Variants in RNF214 observed in about 807,000 individuals in gnomAD.
RNF214 encodes ring finger protein 214.
Under a neutral mutation model 75.9 loss-of-function variants are expected in RNF214, and 25 were observed. The observed-to-expected ratio is 0.33, with a 90% CI of 0.24 to 0.46. The LOEUF is 0.46. Ranked by LOEUF, RNF214 falls within the 20% of genes least tolerant of loss-of-function variation. The probability of loss-of-function intolerance (pLI) is 1.00; values close to 1 mark genes in which losing one functional copy is unlikely to be tolerated. For synonymous variants in RNF214, 314 were observed against 308.8 expected, an observed-to-expected ratio of 1.02 and a Z score of -0.18; for missense variants, 725 against 857.5, an observed-to-expected ratio of 0.85 and a Z score of 1.93.
chr11:117,283,300 CCT>C (rs2034167313), intron 14 of RNF214, 90 bp downstream of exon 14: 1 of 828,538 alleles, frequency 1.2e-6, no homozygotes, highest in South Asian at 1.6e-5. Flanking sequence ...CTTTTTTTTC[CCT>C]GACAGCTAAA....
chr11:117,269,277 A>C (rs1038962641), intron 6 of RNF214, among the ~76,000 whole-genome samples: 5 of 152,180 alleles, frequency 3.3e-5, no homozygotes, highest in African/African-American at 1.2e-4. Flanking sequence ...GAATGAACCT[A>C]AACAACAATG....
At chr11:117,266,762 A>G (rs961094820) in intron 6 of RNF214, among the ~76,000 whole-genome samples, 1 of 150,748 alleles carries the variant, frequency 6.6e-6, no homozygotes, top group Non-Finnish European at 1.5e-5. Context: ...ACCTTTTGAT[A>G]TTGTCCGACA....
At chr11:117,252,438 A>G (rs1189248464) in intron 6 of RNF214, among the ~76,000 whole-genome samples, 2 of 152,180 alleles carry the variant, frequency 1.3e-5, no homozygotes, top group South Asian at 4.1e-4. Context: ...TTCTTTGATA[A>G]GATGTCTTAT....
At position 117,238,598 on chromosome 11, in the gene RNF214, T is replaced by A; in HGVS notation, c.108-3T>A. The A allele has an allele frequency of 6.2e-7, 1 of 1,600,668 alleles. No homozygotes were observed. The highest frequency in any genetic ancestry group is 8.5e-7 in the Non-Finnish European group (1 of 1,173,426). On this transcript the variant is annotated splice_region_variant and splice_polypyrimidine_tract_variant and intron_variant, in intron 2 of 14. Coordinates refer to ENST00000300650, the MANE Select transcript of RNF214 (RefSeq NM_207343.4). The stretch of plus-strand genomic sequence containing the variant: ...TTTTCTTTTTATCTTGTGTGTTTGA[T>A]AGCACCAAAGACTCTGCACAGAAGC...
chr11:117,245,972 AC>A (rs760823617), intron 5 of RNF214, among the ~76,000 whole-genome samples: 2 of 152,042 alleles, frequency 1.3e-5, no homozygotes, highest in Non-Finnish European at 2.9e-5. Flanking sequence ...GTATTATTTT[AC>A]TTTTTTTTTG....
At chr11:117,264,178 C>A (rs995740919) in intron 6 of RNF214, among the ~76,000 whole-genome samples, 1 of 152,082 alleles carries the variant, frequency 6.6e-6, no homozygotes, top group Non-Finnish European at 1.5e-5. Context: ...AAAAAATTAG[C>A]CGGTCGTGGT....
chr11:117,277,662 A>G (rs949333661), intron 6 of RNF214, among the ~76,000 whole-genome samples: 2 of 152,200 alleles, frequency 1.3e-5, no homozygotes, highest in African/African-American at 4.8e-5. Flanking sequence ...AAGGGGAATA[A>G]AAGTTTCTCT....
intron 6 of RNF214, 85 bp from the exon 7 acceptor site, chr11:117,279,823 A>G: frequency 1.1e-6 from 1 of 936,372 alleles, no homozygotes; most frequent in Non-Finnish European, 1.6e-6. Flanking sequence ...TTGGCTGACC[A>G]ATTTTGGGTT....
At chr11:117,240,060 T>C (rs2033028644) in intron 4 of RNF214, among the ~76,000 whole-genome samples, 200 bp downstream of exon 4, 1 of 150,722 alleles carries the variant, frequency 6.6e-6, no homozygotes, top group Admixed American at 6.6e-5. Context: ...AAAAAAAAAA[T>C]AGCTCTTATT....
At position 117,271,074 on chromosome 11, in the gene RNF214, A is replaced by G. The variant is rs936372655; in HGVS notation, c.960-8834A>G. The stretch of plus-strand genomic sequence containing the variant: ...GCCACCACGCTTGGCTAATTTTTGT[A>G]TTTTTAGTAGAGACAGGTTTTTGCC... On this transcript the variant is annotated intron_variant, in intron 6 of 14. Coordinates refer to ENST00000300650, the MANE Select transcript of RNF214 (RefSeq NM_207343.4). 5.3e-5 allele frequency among the ~76,000 whole-genome samples: 8 copies of G among 151,582 alleles called. 1 individual carries two copies. Among genetic ancestry groups the G allele is most frequent in the Admixed American group, 4.6e-4 (7 of 15,216 alleles).
intron 1 of RNF214, among the ~76,000 whole-genome samples, chr11:117,234,060 T>G (rs1044291758): frequency 1.3e-5 from 2 of 152,232 alleles, no homozygotes; most frequent in African/African-American, 4.8e-5. Context: ...GTAAATACAG[T>G]GACTCCTGAG....
intron 5 of RNF214, 136 bp from the exon 6 acceptor site, chr11:117,246,673 C>G: frequency 1.1e-6 from 1 of 910,866 alleles, no homozygotes; most frequent in Admixed American, 2.6e-5. Flanking sequence ...TACTCATCAA[C>G]CACATTCTTT....
chr11:117,251,743 G>A (rs919006556), intron 6 of RNF214, among the ~76,000 whole-genome samples: 22 of 152,302 alleles, frequency 1.4e-4, no homozygotes, highest in African/African-American at 4.8e-4. Flanking sequence ...GTGGGGGAGT[G>A]AGGCCAGATC....
rs1051949923 is a variant in RNF214 at position 117,267,694 on chromosome 11, A to G, written c.960-12214A>G. Among the ~76,000 whole-genome samples the G allele has an allele frequency of 2.0e-4, 31 of 152,150 alleles. No homozygotes were observed. The East Asian group carries it at 2.9e-3, about 14-fold the overall frequency. Reference sequence around the variant, plus strand: ...CAGTGAGCTGAAATTGCACCACTGCATTCCAGCCTGGGCGACAGAGCAAGA... The same window carrying G: ...CAGTGAGCTGAAATTGCACCACTGCGTTCCAGCCTGGGCGACAGAGCAAGA... On this transcript the variant is annotated intron_variant, in intron 6 of 14. Transcript: ENST00000300650.
intron 14 of RNF214, 133 bp from the exon 15 acceptor site, chr11:117,284,953 C>CA (rs1030699792): frequency 4.7e-6 from 3 of 636,240 alleles, no homozygotes; most frequent in Non-Finnish European, 5.5e-6. Flanking sequence ...AGAACAGCAA[C>CA]AAAAAAAGCC....
chr11:117,254,046 G>A (rs1329715229), intron 6 of RNF214, among the ~76,000 whole-genome samples: 2 of 152,132 alleles, frequency 1.3e-5, no homozygotes, highest in African/African-American at 4.8e-5. Flanking sequence ...CTGAGGTCAG[G>A]AGTTGGAGAC....
chr11:117,285,604 G>A lies in RNF214; in HGVS notation c.*453G>A, dbSNP rs1383417992. On this transcript the variant is annotated 3_prime_UTR_variant, in exon 15 of 15. Transcript: ENST00000300650. ...TGTCCAACCAGATGCCTTGCTTACC[G>A]AAAGCCTCCAGAAGCCTCAGTATTG... The A allele has an allele frequency of 1.3e-5, 2 of 153,482 alleles. No individual in the cohort carries two copies. The highest frequency in any genetic ancestry group is 1.9e-4 in the East Asian group (1 of 5,218). 9.5% of individuals were successfully genotyped at this position (153,482 alleles called of 1,614,324 possible).
In RNF214 at chr11:117,238,991, C is replaced by G. The variant is rs747815022; in HGVS notation, c.498C>G (p.Asp166Glu). The G allele has an allele frequency of 1.9e-6, 3 of 1,614,156 alleles. No homozygotes were observed. Among genetic ancestry groups the G allele is most frequent in the Non-Finnish European group, 2.5e-6 (3 of 1,180,034 alleles). ...QTSILKEGNR[D>E]TSLDFRPVVS... ...CCATCCTAAAGGAAGGTAACAGGGA[C>G]ACAAGCTTGGATTTCCGACCTGTAG... The change falls in exon 3 of 15, where the codon GAC becomes GAG. Residue 166 changes from aspartate (D) to glutamate (E), a missense_variant. By Grantham distance (45) the Asp-to-Glu change is conservative (BLOSUM62 2). This residue lies in a region of RNF214 where 362 missense variants were observed against 344.5 expected (regional missense o/e 1.05). Transcript: ENST00000300650.
intron 6 of RNF214, among the ~76,000 whole-genome samples, chr11:117,249,907 G>C (rs1007537654): frequency 6.6e-6 from 1 of 152,180 alleles, no homozygotes; most frequent in African/African-American, 2.4e-5. Context: ...AGGGCTTCAA[G>C]ATACGAGTTT....
Sources: gnomAD v4.1 joint callset for allele counts (sites outside exome capture counted in the v4.1 genomes callset) on GRCh38, gnomAD v4.1.1 for gene constraint, gnomAD v4.1.1 regional missense constraint, MANE v1.5 for transcripts, NCBI Gene and HGNC (gene_info 2026-07-23, HGNC 2026-07-21) for gene names.